ARHGEF7: variants seen among roughly 807,000 people sequenced by gnomAD.
ARHGEF7 encodes PAK-interacting exchange factor beta.
ARHGEF7 carries 33 observed loss-of-function variants against 109.8 expected under a neutral mutation model. That is an observed-to-expected ratio of 0.30 (90% CI 0.23 to 0.40). The LOEUF (loss-of-function observed/expected upper bound fraction) is 0.40, where lower values mean the gene tolerates loss of function less well. Among genes scored for constraint, ARHGEF7 ranks in the 10% least tolerant of loss-of-function variants. ARHGEF7 has a pLI of 1.00. For synonymous variants in ARHGEF7, 458 were observed against 424.6 expected, an observed-to-expected ratio of 1.08 and a Z score of -0.97; for missense variants, 938 against 1,098.5, an observed-to-expected ratio of 0.85 and a Z score of 2.07.
chr13:111,288,503 C>A, intron 18 of ARHGEF7, 60 bp downstream of exon 18: 1 of 1,384,208 alleles, frequency 7.2e-7, no homozygotes, highest in Non-Finnish European at 1.0e-6. Flanking sequence ...TTTCAAATTA[C>A]AGTCTGAAGG....
At chr13:111,191,034 G>GAGGGGATGAGAA (rs1347273312) in intron 2 of ARHGEF7, among the ~76,000 whole-genome samples, 2 of 152,164 alleles carry the variant, frequency 1.3e-5, no homozygotes, top group Non-Finnish European at 2.9e-5. Flanking sequence ...GTGATTGAAA[G>GAGGGGATGAGAA]AGGGGATGAG....
chr13:111,246,597 T>C (rs1360493822), intron 8 of ARHGEF7, among the ~76,000 whole-genome samples: 1 of 152,262 alleles, frequency 6.6e-6, no homozygotes, highest in Non-Finnish European at 1.5e-5. Context: ...AAGACTGTAC[T>C]TTCAACCCAT....
intron 8 of ARHGEF7, among the ~76,000 whole-genome samples, chr13:111,259,305 G>A (rs1318658602): frequency 6.6e-6 from 1 of 152,210 alleles, no homozygotes; most frequent in East Asian, 1.9e-4. Context: ...GGCTTCAGGT[G>A]TGAACCAGTG....
At chr13:111,241,019 C>T in intron 6 of ARHGEF7, 1 of 854,936 alleles carries the variant, frequency 1.2e-6, no homozygotes. Flanking sequence ...GTGTCTGTGT[C>T]TGCGAGGCAC....
Position 111,131,784 on chromosome 13 carries a change from G to A in ARHGEF7, c.165+16093G>A, listed in dbSNP as rs2153344864. Among the ~76,000 whole-genome samples the A allele has an allele frequency of 3.9e-5, 6 of 152,306 alleles. 1 individual carries two copies. In the East Asian group the frequency reaches 9.7e-4, roughly 25 times the overall value. Reference sequence around the variant, plus strand: ...GGGCCTGTGCTGGGTGGGAAGGAGGGTGCTATTCCTAGCTGTTCTAGGACA... The same window carrying A: ...GGGCCTGTGCTGGGTGGGAAGGAGGATGCTATTCCTAGCTGTTCTAGGACA... On this transcript the variant is annotated intron_variant, in intron 1 of 21. Transcript: ENST00000646102. The surrounding 1 kb of genome is among the most constrained non-coding windows in gnomAD (Gnocchi z 4.4).
intron 19 of ARHGEF7, among the ~76,000 whole-genome samples, chr13:111,296,914 A>G (rs2093439646): frequency 6.6e-6 from 1 of 152,202 alleles, no homozygotes. Flanking sequence ...CTGTGCTAGA[A>G]CCATCATGAA....
chr13:111,246,431 A>AC (rs2088858255), intron 8 of ARHGEF7, among the ~76,000 whole-genome samples: 2 of 152,162 alleles, frequency 1.3e-5, no homozygotes, highest in African/African-American at 4.8e-5. Flanking sequence ...ACAGTTTACC[A>AC]ACCATGATGA....
At chr13:111,219,857 C>G (rs778538779) in intron 5 of ARHGEF7, among the ~76,000 whole-genome samples, 3 of 152,096 alleles carry the variant, frequency 2.0e-5, no homozygotes, top group Non-Finnish European at 4.4e-5. Flanking sequence ...CCCTTGAAGA[C>G]AAGTATTGCT....
At chr13:111,163,867 C>A (rs2076930363) in intron 2 of ARHGEF7, among the ~76,000 whole-genome samples, 1 of 152,144 alleles carries the variant, frequency 6.6e-6, no homozygotes, top group Admixed American at 6.5e-5. Flanking sequence ...TTCTATTTAA[C>A]CCAGTGTATC....
intron 18 of ARHGEF7, 55 bp from the exon 19 acceptor site, chr13:111,292,063 G>A (rs558412187): frequency 7.4e-6 from 11 of 1,482,156 alleles, no homozygotes; most frequent in East Asian, 4.6e-5. Flanking sequence ...TCTTCCTGTC[G>A]TTCTCCTCCT....
At chr13:111,153,383 G>A (rs1414165577) in intron 1 of ARHGEF7, among the ~76,000 whole-genome samples, 2 of 152,154 alleles carry the variant, frequency 1.3e-5, no homozygotes, top group African/African-American at 4.8e-5. Flanking sequence ...CCTGGAGCAG[G>A]GAGGAGGCCG....
At position 111,250,529 on chromosome 13, in the gene ARHGEF7, G is replaced by A. The variant is rs1595175891; in HGVS notation, c.950+6235G>A. Among the ~76,000 whole-genome samples, 3 of 152,302 alleles carry A rather than the reference G, an allele frequency of 2.0e-5. No homozygotes were observed. In the East Asian group the frequency reaches 5.8e-4, roughly 29 times the overall value. On this transcript the variant is annotated intron_variant, in intron 8 of 21. Coordinates refer to ENST00000646102, the MANE Select transcript of ARHGEF7 (RefSeq NM_001354046.2). ...CAGGGGAAGATCACTGAGCACTGAGGGGTAAATGGGAGGTAACCAGGCAAA... is the reference window on the plus strand; with the variant it reads ...CAGGGGAAGATCACTGAGCACTGAGAGGTAAATGGGAGGTAACCAGGCAAA...
intron 4 of ARHGEF7, among the ~76,000 whole-genome samples, 176 bp downstream of exon 4, chr13:111,210,178 C>A (rs1460304824): frequency 6.6e-6 from 1 of 152,176 alleles, no homozygotes; most frequent in African/African-American, 2.4e-5. Context: ...ACCAGATGAT[C>A]CAGATATTAT....
intron 19 of ARHGEF7, chr13:111,292,704 A>G: frequency 9.6e-7 from 1 of 1,040,322 alleles, no homozygotes; most frequent in Non-Finnish European, 1.2e-6. Flanking sequence ...TTTGTGATCT[A>G]AGTGCCAGAA....
At chr13:111,149,624 A>G (rs1295281768) in intron 1 of ARHGEF7, among the ~76,000 whole-genome samples, 14 of 152,224 alleles carry the variant, frequency 9.2e-5, no homozygotes, top group Non-Finnish European at 2.1e-4. Context: ...AAGATAGCTT[A>G]TTTAATATAA....
chr13:111,249,236 G>A (rs1473548784), intron 8 of ARHGEF7, among the ~76,000 whole-genome samples: 1 of 152,042 alleles, frequency 6.6e-6, no homozygotes, highest in East Asian at 1.9e-4. Context: ...CTTAATAGTT[G>A]AGAAAGCAGG....
rs2082513222 is a variant in ARHGEF7 at position 111,211,655 on chromosome 13, C to T, written c.468+1653C>T. Among the ~76,000 whole-genome samples, 4 of 152,344 alleles carry T rather than the reference C, an allele frequency of 2.6e-5. No homozygotes were observed. In the South Asian group the frequency reaches 8.3e-4, roughly 32 times the overall value. On this transcript the variant is annotated intron_variant, in intron 4 of 21. Transcript: ENST00000646102. ...TTGATGGAATGTGCAAGACCTCTCT[C>T]AGCCATGCTAGGTAAGAATGAATGT... is the stretch of plus-strand genomic sequence containing the variant.
At chr13:111,182,902 A>G (rs757321675) in intron 2 of ARHGEF7, among the ~76,000 whole-genome samples, 6 of 152,232 alleles carry the variant, frequency 3.9e-5, no homozygotes, top group Admixed American at 3.9e-4. Flanking sequence ...CACATGAGCT[A>G]TTCAACGCTG....
chr13:111,152,718 T>C (rs1272826366), intron 1 of ARHGEF7, among the ~76,000 whole-genome samples: 1 of 152,246 alleles, frequency 6.6e-6, no homozygotes, highest in Non-Finnish European at 1.5e-5. Flanking sequence ...ACGCATTAGT[T>C]TAAATGTCAA....
Sources: gnomAD v4.1 joint callset for allele counts (sites outside exome capture counted in the v4.1 genomes callset) on GRCh38, gnomAD v4.1.1 for gene constraint, Gnocchi (gnomAD v3.1) non-coding constraint, MANE v1.5 for transcripts, NCBI Gene and HGNC (gene_info 2026-07-23, HGNC 2026-07-21) for gene names.